TAS2R1: variants seen among roughly 807,000 people sequenced by gnomAD.
TAS2R1 encodes taste 2 receptor member 1.
For missense variants in TAS2R1, 370 were observed against 353.4 expected, an observed-to-expected ratio of 1.05 and a Z score of -0.38; for synonymous variants, 141 against 134.2, an observed-to-expected ratio of 1.05 and a Z score of -0.35.
the TAS2R1 span, among the ~76,000 whole-genome samples, chr5:9,830,391 CAAAG>C: frequency 4.6e-5 from 7 of 151,358 alleles, no homozygotes; most frequent in African/African-American, 1.5e-4. Flanking sequence ...AGGTATATGA[CAAAG>C]AAAGAGAGAT....
At chr5:9,727,128 G>A in the TAS2R1 span, among the ~76,000 whole-genome samples, 4 of 152,186 alleles carry the variant, frequency 2.6e-5, no homozygotes, top group Non-Finnish European at 5.9e-5. Context: ...CTTGGATGGC[G>A]TGTGATCTCA....
the TAS2R1 span, among the ~76,000 whole-genome samples, chr5:9,885,373 A>C: frequency 6.6e-6 from 1 of 152,262 alleles, no homozygotes; most frequent in Non-Finnish European, 1.5e-5. Context: ...TTGGCTAATC[A>C]GAGAGAATAT....
At chr5:9,842,837 C>T in the TAS2R1 span, among the ~76,000 whole-genome samples, 6 of 152,108 alleles carry the variant, frequency 3.9e-5, no homozygotes, top group East Asian at 1.9e-4. Context: ...AACTGCCTTG[C>T]GATGGCCAAA....
chr5:9,681,476 C>T (rs943088828), intron 1 of TAS2R1, among the ~76,000 whole-genome samples: 1 of 146,774 alleles, frequency 6.8e-6, no homozygotes, highest in African/African-American at 2.5e-5. Flanking sequence ...TCTTATCTTT[C>T]TCCCCTTTCC....
the TAS2R1 span, among the ~76,000 whole-genome samples, chr5:9,731,647 A>G: frequency 6.6e-6 from 1 of 152,224 alleles, no homozygotes; most frequent in African/African-American, 2.4e-5. Flanking sequence ...TCTTTCAAAT[A>G]CAGCCAACTT....
the TAS2R1 span, among the ~76,000 whole-genome samples, chr5:9,751,583 C>G: frequency 6.6e-6 from 1 of 152,052 alleles, no homozygotes. Context: ...ATTATTTACC[C>G]CAAAATAAGG....
chr5:9,755,438 T>TA, the TAS2R1 span, among the ~76,000 whole-genome samples: 1 of 151,738 alleles, frequency 6.6e-6, no homozygotes, highest in Non-Finnish European at 1.5e-5. Flanking sequence ...ATACAAAAAA[T>TA]TAGCCAGGCG....
At chr5:9,788,665 T>C in the TAS2R1 span, among the ~76,000 whole-genome samples, 1 of 152,206 alleles carries the variant, frequency 6.6e-6, no homozygotes, top group Non-Finnish European at 1.5e-5. Context: ...TCTATTTGTC[T>C]TGCCTTTCAT....
upstream of TAS2R1, among the ~76,000 whole-genome samples, chr5:9,634,891 A>C: frequency 6.6e-6 from 1 of 152,074 alleles, no homozygotes; most frequent in East Asian, 1.9e-4. Flanking sequence ...TTACTGGTGA[A>C]CAACAACAGT....
the TAS2R1 span, among the ~76,000 whole-genome samples, chr5:9,778,937 C>G: frequency 2.0e-5 from 3 of 152,242 alleles, no homozygotes; most frequent in Non-Finnish European, 4.4e-5. Flanking sequence ...GCATTCACAG[C>G]TTGGCTGTTT....
At chr5:9,664,082 G>GGTGGTTTGTT (rs1740585930) in intron 1 of TAS2R1, among the ~76,000 whole-genome samples, 1 of 152,112 alleles carries the variant, frequency 6.6e-6, no homozygotes. Context: ...GGAAGTTTGT[G>GGTGGTTTGTT]GTGGTTTGTT....
the TAS2R1 span, among the ~76,000 whole-genome samples, chr5:9,839,690 C>T: frequency 2.6e-5 from 4 of 152,002 alleles, no homozygotes; most frequent in African/African-American, 9.7e-5. Flanking sequence ...AGGCATTGAG[C>T]GTTTTGCAAG....
the TAS2R1 span, among the ~76,000 whole-genome samples, chr5:9,887,414 G>A: frequency 6.6e-6 from 1 of 152,112 alleles, no homozygotes; most frequent in Admixed American, 6.5e-5. Flanking sequence ...ATCCTTCCCA[G>A]TTTCATCAGC....
At chr5:9,786,185 G>T in the TAS2R1 span, among the ~76,000 whole-genome samples, 1 of 152,186 alleles carries the variant, frequency 6.6e-6, no homozygotes, top group Admixed American at 6.5e-5. Flanking sequence ...GTGACAATTT[G>T]GGGTTCCAGG....
At chr5:9,820,730 C>T in the TAS2R1 span, among the ~76,000 whole-genome samples, 1 of 152,218 alleles carries the variant, frequency 6.6e-6, no homozygotes, top group African/African-American at 2.4e-5. Context: ...CAAACTCAAA[C>T]TCTGCTTTAT....
At chr5:9,686,287 CCAA>C (rs1741123373) in intron 1 of TAS2R1, among the ~76,000 whole-genome samples, 1 of 152,162 alleles carries the variant, frequency 6.6e-6, no homozygotes, top group African/African-American at 2.4e-5. Context: ...CAGCATGTCA[CCAA>C]CAAGACAAAG....
chr5:9,843,307 T>C, the TAS2R1 span, among the ~76,000 whole-genome samples: 1 of 152,338 alleles, frequency 6.6e-6, no homozygotes, highest in South Asian at 2.1e-4. Flanking sequence ...TCTTTGGTCT[T>C]CCACAACCCA....
chr5:9,816,186 T>G, the TAS2R1 span, among the ~76,000 whole-genome samples: 7 of 152,100 alleles, frequency 4.6e-5, no homozygotes, highest in African/African-American at 9.7e-5. Context: ...AACTGTCAGC[T>G]ATACACTGTT....
At chr5:9,902,056 G>A in the TAS2R1 span, among the ~76,000 whole-genome samples, 506 of 152,032 alleles carry the variant, frequency 3.3e-3, 7 homozygotes, top group African/African-American at 0.012. Flanking sequence ...AGATATCACG[G>A]GCAAAGCATG....
Sources: gnomAD v4.1 joint callset for allele counts (sites outside exome capture counted in the v4.1 genomes callset) on GRCh38, gnomAD v4.1.1 for gene constraint, MANE v1.5 for transcripts, NCBI Gene and HGNC (gene_info 2026-07-23, HGNC 2026-07-21) for gene names.